The following SPOCK3 variants were observed in gnomAD, a reference collection of about 807,000 sequenced individuals.
SPOCK3 encodes the protein SPARC (osteonectin), cwcv and kazal like domains proteoglycan 3.
A neutral mutation model predicts 56.6 loss-of-function variants in SPOCK3; 30 were observed. That is an observed-to-expected ratio of 0.53 (90% CI 0.40 to 0.72). SPOCK3 has a LOEUF of 0.72. Ranked by LOEUF, SPOCK3 falls within the 30% of genes least tolerant of loss-of-function variation. The pLI is 0.00. For synonymous variants in SPOCK3, 196 were observed against 183.3 expected, an observed-to-expected ratio of 1.07 and a Z score of -0.56; for missense variants, 527 against 530.0, an observed-to-expected ratio of 0.99 and a Z score of 0.06.
intron 4 of SPOCK3, among the ~76,000 whole-genome samples, chr4:166,948,151 T>G (rs1296628536): frequency 6.6e-6 from 1 of 152,196 alleles, no homozygotes. Flanking sequence ...TCACTTAACA[T>G]AATGTCCTCC....
intron 4 of SPOCK3, among the ~76,000 whole-genome samples, chr4:166,984,693 C>T (rs1021778689): frequency 2.0e-5 from 3 of 152,118 alleles, no homozygotes; most frequent in East Asian, 1.9e-4. Flanking sequence ...ATGTCCTGGA[C>T]GATGCATAAA....
intron 2 of SPOCK3, among the ~76,000 whole-genome samples, chr4:167,108,771 A>C (rs528495040): frequency 6.6e-6 from 1 of 150,874 alleles, no homozygotes. Flanking sequence ...GTAGTCAAAA[A>C]TAATTTAACT....
At chr4:167,143,278 T>C (rs1333552301) in intron 2 of SPOCK3, among the ~76,000 whole-genome samples, 1 of 151,996 alleles carries the variant, frequency 6.6e-6, no homozygotes, top group African/African-American at 2.4e-5. Flanking sequence ...AATATACTTT[T>C]GTCCTTCAGG....
chr4:166,741,936 T>G, intron 9 of SPOCK3, 61 bp downstream of exon 9: 1 of 1,128,556 alleles, frequency 8.9e-7, no homozygotes, highest in Non-Finnish European at 1.3e-6. Context: ...TTTATGTTGC[T>G]GTTTCCCTGG....
At chr4:167,205,542 TATTATATAATATATAA>T (rs1734198570) in intron 2 of SPOCK3, among the ~76,000 whole-genome samples, 2 of 57,318 alleles carry the variant, frequency 3.5e-5, no homozygotes, top group Admixed American at 3.7e-4. Flanking sequence ...ATATAATATA[TATTATATAATATATAA>T]TATATATTAT....
At chr4:166,927,031 C>CAT (rs777457911) in intron 4 of SPOCK3, among the ~76,000 whole-genome samples, 5 of 152,120 alleles carry the variant, frequency 3.3e-5, no homozygotes, top group South Asian at 2.1e-4. Flanking sequence ...AAAAAGTCCA[C>CAT]ATATATATAT....
chr4:166,742,581 T>C (rs1171131222), intron 8 of SPOCK3, among the ~76,000 whole-genome samples: 4 of 152,152 alleles, frequency 2.6e-5, no homozygotes, highest in Non-Finnish European at 5.9e-5. Context: ...TTAATGCTTC[T>C]TTCCAGTTAT....
At chr4:167,217,310 G>GA (rs1338056344) in intron 2 of SPOCK3, among the ~76,000 whole-genome samples, 1 of 151,404 alleles carries the variant, frequency 6.6e-6, no homozygotes, top group Non-Finnish European at 1.5e-5. Flanking sequence ...AAATACCGAG[G>GA]AAAAAAAGAA....
intron 5 of SPOCK3, among the ~76,000 whole-genome samples, chr4:166,901,216 A>G (rs1356123505): frequency 2.6e-5 from 4 of 152,140 alleles, no homozygotes; most frequent in Non-Finnish European, 5.9e-5. Context: ...TGGTTGCTAG[A>G]AAAACCAAGA....
At chr4:167,154,207 C>A (rs576877727) in intron 2 of SPOCK3, among the ~76,000 whole-genome samples, 4 of 152,208 alleles carry the variant, frequency 2.6e-5, no homozygotes, top group South Asian at 4.1e-4. Flanking sequence ...CACATACACA[C>A]ACATGCACGC....
At chr4:166,884,870 A>AACACAC (rs34910996) in intron 6 of SPOCK3, among the ~76,000 whole-genome samples, 12,057 of 147,446 alleles carry the variant, frequency 0.082, 513 homozygotes, top group Non-Finnish European at 0.1. Context: ...AAACTGGTTA[A>AACACAC]ACACACACAC....
At chr4:166,739,177 T>C (rs1734564941) in intron 9 of SPOCK3, among the ~76,000 whole-genome samples, 1 of 152,150 alleles carries the variant, frequency 6.6e-6, no homozygotes, top group Non-Finnish European at 1.5e-5. Context: ...CGGTGTGAGA[T>C]GGTATCTCAT....
At chr4:166,918,906 A>C (rs1238628767) in intron 4 of SPOCK3, among the ~76,000 whole-genome samples, 2 of 151,890 alleles carry the variant, frequency 1.3e-5, no homozygotes, top group Non-Finnish European at 2.9e-5. Flanking sequence ...TTCTGGTGAG[A>C]TCTGATTATT....
intron 3 of SPOCK3, among the ~76,000 whole-genome samples, chr4:167,041,992 G>A (rs1046243633): frequency 6.6e-6 from 1 of 152,040 alleles, no homozygotes; most frequent in Non-Finnish European, 1.5e-5. Context: ...ACAATTTCAT[G>A]TTTAGATTTG....
At chr4:166,883,112 A>C (rs1733840169) in intron 6 of SPOCK3, 1 of 152,184 alleles carries the variant, frequency 6.6e-6, no homozygotes, top group Non-Finnish European at 1.5e-5. Flanking sequence ...CATCATACAA[A>C]ATTAAACGTT....
chr4:166,933,037 G>T (rs1739968768), intron 4 of SPOCK3, among the ~76,000 whole-genome samples: 1 of 151,988 alleles, frequency 6.6e-6, no homozygotes, highest in African/African-American at 2.4e-5. Context: ...TGCTCAGAAG[G>T]TATTTTGGGG....
At chr4:166,916,297 A>G (rs1299453412) in intron 4 of SPOCK3, among the ~76,000 whole-genome samples, 4 of 152,136 alleles carry the variant, frequency 2.6e-5, no homozygotes, top group African/African-American at 9.7e-5. Flanking sequence ...TAATAACTAA[A>G]GAGGAATTCA....
At chr4:166,994,065 A>T (rs922196221) in intron 4 of SPOCK3, among the ~76,000 whole-genome samples, 1 of 152,124 alleles carries the variant, frequency 6.6e-6, no homozygotes, top group African/African-American at 2.4e-5. Context: ...TCCATTAACC[A>T]TTATGCTGAA....
chr4:167,121,306 G>A (rs1336127214), intron 2 of SPOCK3, among the ~76,000 whole-genome samples: 1 of 151,806 alleles, frequency 6.6e-6, no homozygotes, highest in Non-Finnish European at 1.5e-5. Context: ...ATCAGAGGAT[G>A]GATAACAATA....
Sources: allele counts gnomAD v4.1 joint callset (sites outside exome capture counted in the v4.1 genomes callset), GRCh38; gene constraint gnomAD v4.1.1; transcripts MANE v1.5; gene names NCBI Gene and HGNC (gene_info 2026-07-23, HGNC 2026-07-21).